The following IDI2 variants were observed in gnomAD, a reference collection of about 807,000 sequenced individuals.
The protein encoded by IDI2 is isopentenyl-diphosphate delta-isomerase 2.
A neutral mutation model predicts 14.8 loss-of-function variants in IDI2; 18 were observed. That is an observed-to-expected ratio of 1.22 (90% confidence interval 0.84 to 1.80). The LOEUF (loss-of-function observed/expected upper bound fraction) is 1.80, where lower values mean the gene tolerates loss of function less well. Among genes scored for constraint, IDI2 ranks in the 40% most tolerant of loss-of-function variants. The pLI is 0.00. For missense variants in IDI2, 316 were observed against 283.2 expected (o/e 1.12, Z -0.83); for synonymous variants, 133 against 109.6 (o/e 1.21, Z -1.33).
chr10:1,020,710 TGCCCG>T lies in IDI2; in HGVS notation c.366+52_366+56del. 3.5e-6 allele frequency: 5 copies of T among 1,423,972 alleles called. No individual in the cohort carries two copies. The African/African-American group carries it at 4.7e-5, about 13-fold the overall frequency. 88.2% of individuals were successfully genotyped at this position (1,423,972 alleles called of 1,614,324 possible). On this transcript the variant is annotated intron_variant, in intron 4 of 4. Transcript: ENST00000277517. ...TCCAGCCTGGACTTTGTTCACCGTCTGCCCGCTGCCAACCTGGACTCCCGTGGACA... is the reference window on the plus strand; with the variant it reads ...TCCAGCCTGGACTTTGTTCACCGTCTCTGCCAACCTGGACTCCCGTGGACA...
At position 1,019,485 on chromosome 10, in the gene IDI2, A is replaced by G. The variant is rs760312067; in HGVS notation, c.*32T>C. ...TGGTGCGTCTGCCTGCACTGAGGGC[A>G]TTACACATGGCTGACTCGACCTCCC... On this transcript the variant is annotated 3_prime_UTR_variant, in exon 5 of 5. Transcript: ENST00000277517. 28 of 1,572,978 alleles carry G rather than the reference A, an allele frequency of 1.8e-5. No homozygotes were observed. In the East Asian group the frequency reaches 6.4e-4, roughly 36 times the overall value.
Position 1,024,490 on chromosome 10 carries a change from C to T in IDI2, c.142+92G>A, listed in dbSNP as rs988083579. 11 of 1,444,256 alleles carry T rather than the reference C, an allele frequency of 7.6e-6. No homozygotes were observed. The African/African-American group carries it at 1.0e-4, about 13-fold the overall frequency. The allele number at this position is 1,444,256 out of a possible 1,614,324, so 89.5% of individuals were successfully genotyped here. A position where few individuals can be genotyped will look rare whatever the true frequency, so the allele number is the denominator to read the frequency against. The stretch of plus-strand genomic sequence containing the variant: ...GGTGACCCAGTGGTCGCCTCCTAGC[C>T]GGAAAGGCCTAGACTCTCTTCTTAG... On this transcript the variant is annotated intron_variant, in intron 2 of 4. Coordinates refer to ENST00000277517, the MANE Select transcript of IDI2 (RefSeq NM_033261.3).
rs1250490407 is a variant in IDI2 at position 1,019,017 on chromosome 10, A to G, written c.*500T>C. ...GGCTGAGACCATACGCATCTTCCGT[A>G]CTGCTTGTATTAGGATGCAAGATTG... On this transcript the variant is annotated 3_prime_UTR_variant, in exon 5 of 5. Transcript: ENST00000277517. The G allele has an allele frequency of 6.4e-6, 1 of 156,188 alleles. No homozygotes were observed. The highest frequency in any genetic ancestry group is 2.4e-5 in the African/African-American group (1 of 41,458). 9.7% of individuals were successfully genotyped at this position (156,188 alleles called of 1,614,324 possible). A position where few individuals can be genotyped will look rare whatever the true frequency, so the allele number is the denominator to read the frequency against.
In IDI2 at chr10:1,023,930, C is replaced by T. The variant is rs142711521; in HGVS notation, c.142+652G>A. 4.9e-3 allele frequency among the ~76,000 whole-genome samples: 738 copies of T among 152,024 alleles called. 6 individuals carry two copies. The highest frequency in any genetic ancestry group is 0.017 in the African/African-American group (714 of 41,446). On this transcript the variant is annotated intron_variant, in intron 2 of 4. Coordinates refer to ENST00000277517, the MANE Select transcript of IDI2 (RefSeq NM_033261.3). ...GGTGGTATCAAACTATCACATGTAC[C>T]CCATTAATATGCATAATTATTATGT...
chr10:1,019,872 T>A, intron 4 of IDI2, 38 bp from the exon 5 acceptor site: 1 of 1,369,556 alleles, frequency 7.3e-7, no homozygotes, highest in Non-Finnish European at 1.0e-6. Flanking sequence ...ACAACGCTAA[T>A]GTAAAACACA....
intron 3 of IDI2, among the ~76,000 whole-genome samples, chr10:1,022,190 C>T (rs1832119405): frequency 6.6e-6 from 1 of 150,740 alleles, no homozygotes; most frequent in African/African-American, 2.4e-5. Flanking sequence ...ACCCAGGAGG[C>T]GGGGCTTGCA....
At chr10:1,022,285 T>C (rs1442129854) in intron 3 of IDI2, among the ~76,000 whole-genome samples, 2 of 151,996 alleles carry the variant, frequency 1.3e-5, no homozygotes, top group South Asian at 2.1e-4. Flanking sequence ...TTTTAAGTTG[T>C]AATTTTAAGA....
At chr10:1,024,767 C>A in intron 1 of IDI2, 23 bp from the exon 2 acceptor site, 1 of 1,611,290 alleles carries the variant, frequency 6.2e-7, no homozygotes, top group Non-Finnish European at 8.5e-7. Context: ...CACACAAATG[C>A]CTCTTTATGT....
intron 4 of IDI2, 80 bp from the exon 5 acceptor site, chr10:1,019,914 A>G (rs1832061872): frequency 5.7e-6 from 6 of 1,052,314 alleles, no homozygotes; most frequent in African/African-American, 1.6e-5. Flanking sequence ...AAATAAACAC[A>G]TTTGTTTTCC....
intron 2 of IDI2, among the ~76,000 whole-genome samples, chr10:1,024,154 T>C (rs555878657): frequency 6.6e-6 from 1 of 152,070 alleles, no homozygotes; most frequent in East Asian, 1.9e-4. Flanking sequence ...GGCCTATGGA[T>C]TAAAAGTTAC....
At chr10:1,023,689 G>A (rs1240678006) in intron 2 of IDI2, among the ~76,000 whole-genome samples, 2 of 152,140 alleles carry the variant, frequency 1.3e-5, no homozygotes, top group Non-Finnish European at 1.5e-5. Context: ...GAGGGATGAC[G>A]AGAGGGTGGT....
intron 1 of IDI2, among the ~76,000 whole-genome samples, chr10:1,025,051 C>CACACAA (rs1171753367): frequency 1.5e-5 from 2 of 137,880 alleles, no homozygotes; most frequent in Admixed American, 1.5e-4. Context: ...CACACACACA[C>CACACAA]AAAACACACC....
At chr10:1,022,417 T>C (rs2132184866) in intron 3 of IDI2, among the ~76,000 whole-genome samples, 1 of 152,340 alleles carries the variant, frequency 6.6e-6, no homozygotes, top group East Asian at 1.9e-4. Context: ...TCCTCTGCAT[T>C]TAAGTAACTT....
chr10:1,023,851 T>C (rs1025223206), intron 2 of IDI2, among the ~76,000 whole-genome samples: 1 of 152,206 alleles, frequency 6.6e-6, no homozygotes, highest in Admixed American at 6.5e-5. Flanking sequence ...ATATGATGAA[T>C]GTTTGAGGTG....
At chr10:1,023,177 AAAG>A (rs1738841188) in intron 2 of IDI2, among the ~76,000 whole-genome samples, 1 of 152,150 alleles carries the variant, frequency 6.6e-6, no homozygotes, top group Non-Finnish European at 1.5e-5. Flanking sequence ...TTCCACCACA[AAAG>A]AAGAATGAAA....
intron 4 of IDI2, 60 bp downstream of exon 4, chr10:1,020,707 G>GTA: frequency 1.4e-6 from 2 of 1,391,068 alleles, no homozygotes; most frequent in East Asian, 2.6e-5. Context: ...TTTGTTCACC[G>GTA]TCTGCCCGCT....
chr10:1,025,041 C>T (rs963507472), intron 1 of IDI2, among the ~76,000 whole-genome samples: 4 of 93,048 alleles, frequency 4.3e-5, no homozygotes, highest in African/African-American at 1.3e-4. Context: ...CACACACACA[C>T]ACACACACAC....
chr10:1,022,214 G>A (rs922838591), intron 3 of IDI2, among the ~76,000 whole-genome samples: 1 of 151,238 alleles, frequency 6.6e-6, no homozygotes, highest in South Asian at 2.1e-4. Context: ...AGCCGAGATG[G>A]CGCCACTGCA....
At chr10:1,025,627 C>A (rs1284643180) in intron 1 of IDI2, among the ~76,000 whole-genome samples, 189 bp downstream of exon 1, 2 of 151,882 alleles carry the variant, frequency 1.3e-5, no homozygotes, top group Non-Finnish European at 2.9e-5. Context: ...TAAAAAAATG[C>A]ATTCACGTCT....
Sources: gnomAD v4.1 joint callset for allele counts (sites outside exome capture counted in the v4.1 genomes callset) on GRCh38, gnomAD v4.1.1 for gene constraint, MANE v1.5 for transcripts, NCBI Gene and HGNC (gene_info 2026-07-23, HGNC 2026-07-21) for gene names.